The following PLXDC2 variants were observed in gnomAD, a reference collection of about 807,000 sequenced individuals.
The protein encoded by PLXDC2 is plexin domain containing 2, also known as plexin domain-containing protein 2.
A neutral mutation model predicts 68.9 loss-of-function variants in PLXDC2; 40 were observed. The observed-to-expected ratio is 0.58, with a 90% CI of 0.45 to 0.76. The LOEUF (loss-of-function observed/expected upper bound fraction) is 0.76, where lower values mean the gene tolerates loss of function less well. PLXDC2 is among the 30% of genes least tolerant of loss of function. The pLI is 0.00. For synonymous variants in PLXDC2, 243 were observed against 234.2 expected, an observed-to-expected ratio of 1.04 and a Z score of -0.34; for missense variants, 644 against 661.9, an observed-to-expected ratio of 0.97 and a Z score of 0.30.
chr10:20,016,984 G>A (rs753201661), intron 2 of PLXDC2, among the ~76,000 whole-genome samples: 5 of 152,178 alleles, frequency 3.3e-5, no homozygotes, highest in Non-Finnish European at 7.3e-5. Flanking sequence ...TTTTGCTTCC[G>A]AGGTGGCTGT....
chr10:20,105,813 G>A (rs568266589), intron 4 of PLXDC2, among the ~76,000 whole-genome samples: 2 of 152,144 alleles, frequency 1.3e-5, no homozygotes, highest in Non-Finnish European at 2.9e-5. Flanking sequence ...AGCCACACTC[G>A]GTACAAATCC....
intron 13 of PLXDC2, among the ~76,000 whole-genome samples, chr10:20,277,953 T>G (rs1479110436): frequency 5.3e-5 from 8 of 152,206 alleles, no homozygotes; most frequent in Non-Finnish European, 7.3e-5. Context: ...TTTGTGCCTT[T>G]CTGTGACTAG....
chr10:20,215,985 G>A (rs1835130924), intron 10 of PLXDC2, among the ~76,000 whole-genome samples: 1 of 152,062 alleles, frequency 6.6e-6, no homozygotes, highest in South Asian at 2.1e-4. Flanking sequence ...TGCTAAGGAT[G>A]CAGGAGATGT....
chr10:20,085,258 C>T (rs1310762078), intron 4 of PLXDC2, among the ~76,000 whole-genome samples: 1 of 151,904 alleles, frequency 6.6e-6, no homozygotes, highest in Non-Finnish European at 1.5e-5. Flanking sequence ...CTGTGTTTCT[C>T]AACAGTTTGT....
At chr10:20,223,416 G>A (rs556036744) in intron 12 of PLXDC2, among the ~76,000 whole-genome samples, 25 of 150,912 alleles carry the variant, frequency 1.7e-4, no homozygotes, top group African/African-American at 6.1e-4. Context: ...GGGTTCAAGC[G>A]ATTCTCCTGC....
intron 13 of PLXDC2, among the ~76,000 whole-genome samples, chr10:20,266,536 T>C (rs1008707533): frequency 2.0e-5 from 3 of 152,198 alleles, no homozygotes; most frequent in Non-Finnish European, 4.4e-5. Flanking sequence ...TTTAGCAGAA[T>C]ATATTTAGGA....
chr10:20,148,931 A>C (rs562476451), intron 6 of PLXDC2, among the ~76,000 whole-genome samples: 6 of 152,322 alleles, frequency 3.9e-5, no homozygotes, highest in African/African-American at 1.2e-4. Flanking sequence ...ACTTTTAAAA[A>C]TTCTGTAACC....
At chr10:20,266,444 G>A (rs1425260756) in intron 13 of PLXDC2, among the ~76,000 whole-genome samples, 1 of 151,084 alleles carries the variant, frequency 6.6e-6, no homozygotes, top group Non-Finnish European at 1.5e-5. Flanking sequence ...CCCAAAAAGG[G>A]AAAACAAAAT....
intron 1 of PLXDC2, among the ~76,000 whole-genome samples, chr10:19,953,992 T>G (rs1834030310): frequency 6.6e-6 from 1 of 152,178 alleles, no homozygotes; most frequent in East Asian, 1.9e-4. Context: ...TTAAATCATG[T>G]TAAAAACTTG....
intron 3 of PLXDC2, among the ~76,000 whole-genome samples, chr10:20,060,253 C>T (rs1027523133): frequency 6.6e-6 from 1 of 150,956 alleles, no homozygotes; most frequent in Admixed American, 6.6e-5. Context: ...GTGTCAAACT[C>T]CTGGCCTCAA....
chr10:20,155,636 A>T (rs1236087979), intron 6 of PLXDC2, among the ~76,000 whole-genome samples: 1 of 152,208 alleles, frequency 6.6e-6, no homozygotes, highest in Non-Finnish European at 1.5e-5. Flanking sequence ...AATTTTATCT[A>T]CACAGCTTCA....
intron 1 of PLXDC2, among the ~76,000 whole-genome samples, chr10:19,897,778 G>T (rs773576611): frequency 2.0e-5 from 3 of 152,078 alleles, no homozygotes; most frequent in Non-Finnish European, 4.4e-5. Context: ...TAGTTACAGG[G>T]CTAGCAATAG....
chr10:20,267,229 AATT>A (rs769928673), intron 13 of PLXDC2, among the ~76,000 whole-genome samples: 2 of 152,186 alleles, frequency 1.3e-5, no homozygotes, highest in Non-Finnish European at 2.9e-5. Flanking sequence ...GCCTTTTAAA[AATT>A]ATTATGATGT....
intron 1 of PLXDC2, among the ~76,000 whole-genome samples, chr10:19,884,258 C>G (rs2131353528): frequency 6.6e-6 from 1 of 152,084 alleles, no homozygotes; most frequent in Admixed American, 6.5e-5. Flanking sequence ...AGTTATATCT[C>G]TTGATATTTG....
chr10:20,239,252 T>A (rs967688227), intron 12 of PLXDC2, among the ~76,000 whole-genome samples: 5 of 152,192 alleles, frequency 3.3e-5, no homozygotes, highest in Non-Finnish European at 7.3e-5. Context: ...TAGGAAGAGT[T>A]TACGTCTTAA....
intron 3 of PLXDC2, among the ~76,000 whole-genome samples, chr10:20,064,070 G>T (rs1377397454): frequency 6.6e-6 from 1 of 150,778 alleles, no homozygotes; most frequent in East Asian, 1.9e-4. Flanking sequence ...ATTTTGTCAA[G>T]CCTCTTAATC....
intron 13 of PLXDC2, among the ~76,000 whole-genome samples, chr10:20,266,253 G>A (rs1200733377): frequency 1.3e-5 from 2 of 151,786 alleles, no homozygotes; most frequent in Non-Finnish European, 2.9e-5. Flanking sequence ...AGAGGACCAG[G>A]TGGATTAAAA....
chr10:20,133,114 C>T (rs915281672), intron 4 of PLXDC2, among the ~76,000 whole-genome samples: 1 of 152,132 alleles, frequency 6.6e-6, no homozygotes, highest in African/African-American at 2.4e-5. Context: ...CTTGTCTTCT[C>T]ATATTTTTTG....
Position 20,149,163 on chromosome 10 carries a change from T to C in PLXDC2, c.783+1261T>C, listed in dbSNP as rs534986183. ...TGTCCTGGAGGTTTTGTTGTACAGA[T>C]TATTTTCTCGCCCAGGTACTAAGCC... On this transcript the variant is annotated intron_variant, in intron 6 of 13. Transcript: ENST00000377252. Among the ~76,000 whole-genome samples the C allele has an allele frequency of 2.0e-5, 3 of 151,898 alleles. No homozygotes were observed. The South Asian group carries it at 6.2e-4, about 32-fold the overall frequency.
Sources: allele counts gnomAD v4.1 joint callset (sites outside exome capture counted in the v4.1 genomes callset), GRCh38; gene constraint gnomAD v4.1.1; transcripts MANE v1.5; gene names NCBI Gene and HGNC (gene_info 2026-07-23, HGNC 2026-07-21).